The following STARD9 variants were observed in gnomAD, a reference collection of about 807,000 sequenced individuals.
The protein encoded by STARD9 is StAR related lipid transfer domain containing 9.
STARD9 carries 346 observed loss-of-function variants against 399.8 expected under a neutral mutation model. That is an observed-to-expected ratio of 0.87 (90% CI 0.79 to 0.95). STARD9 has a LOEUF of 0.95. Ranked by LOEUF, STARD9 falls within the 40% of genes least tolerant of loss-of-function variation. STARD9 has a pLI of 0.00. For missense variants in STARD9, 5,832 were observed against 5,667.5 expected, an observed-to-expected ratio of 1.03 and a Z score of -0.93; for synonymous variants, 2,203 against 2,143.5, an observed-to-expected ratio of 1.03 and a Z score of -0.77.
chr15:42,649,185 A>G (rs1037164392), intron 7 of STARD9, among the ~76,000 whole-genome samples: 8 of 151,974 alleles, frequency 5.3e-5, no homozygotes, highest in African/African-American at 1.9e-4. Flanking sequence ...GCGCACCACC[A>G]CAGCCGGCTG....
At chr15:42,703,003 C>T (rs945305990) in intron 26 of STARD9, among the ~76,000 whole-genome samples, 1 of 151,958 alleles carries the variant, frequency 6.6e-6, no homozygotes, top group Middle Eastern at 3.2e-3. Flanking sequence ...CTATGTTGCC[C>T]AGGCTGGTCT....
intron 32 of STARD9, 47 bp from the exon 33 acceptor site, chr15:42,719,426 T>G (rs772720941): frequency 1.4e-4 from 180 of 1,264,860 alleles, no homozygotes; most frequent in Non-Finnish European, 1.8e-4. Flanking sequence ...CGCCTGGCAT[T>G]CTCTCAAATC....
Position 42,692,614 on chromosome 15 carries a change from A to G in STARD9, c.11036A>G (p.Asn3679Ser), listed in dbSNP as rs958995005. 3.3e-6 allele frequency: 5 copies of G among 1,537,080 alleles called. No individual in the cohort carries two copies. The highest frequency in any genetic ancestry group is 1.7e-4 in the Middle Eastern group (1 of 6,012). The change falls in exon 23 of 33, where the codon AAT (asparagine) becomes AGT (serine). Residue 3679 changes from asparagine (N) to serine (S), a missense_variant. Physicochemically the swap from Asn to Ser is conservative, Grantham distance 46. Around this residue, in one of 2 missense-constraint regions of STARD9, gnomAD observed 5,828 missense variants for 5,651.1 expected, o/e 1.03. Coordinates refer to ENST00000290607, the MANE Select transcript of STARD9 (RefSeq NM_020759.3). Reference sequence around the variant, plus strand: ...CTGGCCTCATGGACCAGCATGCACAATCTGTCTCTCCACCTCTCACAGCTC... The same window carrying G: ...CTGGCCTCATGGACCAGCATGCACAGTCTGTCTCTCCACCTCTCACAGCTC... ...FDLASWTSMH[N>S]LSLHLSQLLH...
At chr15:42,676,098 T>A in intron 20 of STARD9, 123 bp downstream of exon 20, 1 of 763,694 alleles carries the variant, frequency 1.3e-6, no homozygotes, top group Non-Finnish European at 2.2e-6. Flanking sequence ...AATGAGCCCT[T>A]GTCTGAATCA....
Position 42,687,139 on chromosome 15 carries a change from A to G in STARD9, c.5561A>G (p.Asn1854Ser), listed in dbSNP as rs746744391. The G allele has an allele frequency of 5.3e-5, 82 of 1,537,166 alleles. 1 individual carries two copies. In the South Asian group the frequency reaches 8.3e-4, roughly 16 times the overall value. ...TCAGTTTATTCTTCTGTTACTCAGA[A>G]CAGACATTTTCTCCCCTCTACCAGC... ...HDSVYSSVTQ[N>S]RHFLPSTSTK... The change falls in exon 23 of 33, where the codon AAC becomes AGC. Residue 1854 changes from asparagine (N) to serine (S), a missense_variant. Around this residue, in one of 2 missense-constraint regions of STARD9, gnomAD observed 5,828 missense variants for 5,651.1 expected, o/e 1.03. Coordinates refer to ENST00000290607, the MANE Select transcript of STARD9 (RefSeq NM_020759.3).
At position 42,669,077 on chromosome 15, in the gene STARD9, T is replaced by C; in HGVS notation, c.1318-81T>C. 5.7e-6 allele frequency: 7 copies of C among 1,220,024 alleles called. No homozygotes were observed. In the South Asian group the frequency reaches 8.3e-5, roughly 14 times the overall value. The allele number at this position is 1,220,024 out of a possible 1,614,324, so 75.6% of individuals were successfully genotyped here. ...ATAAGAAAGCAGTACCCTGGGGAAA[T>C]AGGAATAGATTGTAATGACTTCTGA... On this transcript the variant is annotated intron_variant, in intron 15 of 32. Coordinates refer to ENST00000290607, the MANE Select transcript of STARD9 (RefSeq NM_020759.3).
At chr15:42,681,136 A>G (rs765556173) in intron 20 of STARD9, among the ~76,000 whole-genome samples, 1 of 152,248 alleles carries the variant, frequency 6.6e-6, no homozygotes, top group Non-Finnish European at 1.5e-5. Context: ...TCTTTTTAAA[A>G]AGAACAACTT....
chr15:42,709,134 G>A (rs75988797), intron 26 of STARD9, among the ~76,000 whole-genome samples: 9,219 of 152,138 alleles, frequency 0.061, 614 homozygotes, highest in African/African-American at 0.18. Context: ...GGTGGCTGAC[G>A]CCTGTAATCC....
chr15:42,719,367 G>A, intron 32 of STARD9, 106 bp from the exon 33 acceptor site: 1 of 705,402 alleles, frequency 1.4e-6, no homozygotes, highest in Non-Finnish European at 2.4e-6. Context: ...ACAATCTGAG[G>A]TGCTTCTCCC....
intron 10 of STARD9, among the ~76,000 whole-genome samples, chr15:42,661,699 C>T (rs1221932337): frequency 6.6e-6 from 1 of 151,946 alleles, no homozygotes; most frequent in Non-Finnish European, 1.5e-5. Flanking sequence ...TTGGGCGATT[C>T]ATCTGCCTCA....
At chr15:42,655,604 TTACATA>T in intron 9 of STARD9, among the ~76,000 whole-genome samples, 1 of 152,182 alleles carries the variant, frequency 6.6e-6, no homozygotes, top group Non-Finnish European at 1.5e-5. Context: ...GATGAAAGAC[TTACATA>T]TAAGACCTGA....
chr15:42,701,191 G>A (rs934846802), intron 26 of STARD9, among the ~76,000 whole-genome samples: 2 of 152,130 alleles, frequency 1.3e-5, no homozygotes, highest in Admixed American at 6.5e-5. Flanking sequence ...GTACTGTGAT[G>A]CCTCCAGCTT....
intron 7 of STARD9, among the ~76,000 whole-genome samples, chr15:42,648,752 C>T (rs948079739): frequency 5.9e-5 from 9 of 151,948 alleles, no homozygotes; most frequent in South Asian, 2.1e-4. Context: ...TTACCTTTCC[C>T]TTTTTTCCCC....
intron 3 of STARD9, among the ~76,000 whole-genome samples, chr15:42,588,922 C>G (rs1349854142): frequency 6.6e-6 from 1 of 150,808 alleles, no homozygotes. Flanking sequence ...TCCAGCGATT[C>G]TTGTGCCTCA....
At chr15:42,597,559 T>TA (rs901268030) in intron 3 of STARD9, among the ~76,000 whole-genome samples, 2 of 151,702 alleles carry the variant, frequency 1.3e-5, no homozygotes, top group African/African-American at 4.8e-5. Flanking sequence ...TTTTTTTAAA[T>TA]AGAGTCTCGC....
At position 42,691,650 on chromosome 15, in the gene STARD9, T is replaced by C. The variant is rs369454740; in HGVS notation, c.10072T>C (p.Leu3358=). The part of the protein sequence containing the change: ...TDEDTQGPNR[L]WNPHLRGYSS... ...CGAAGATACACAGGGGCCTAACAGA[T>C]TGTGGAACCCACATCTCAGGGGCTA... The change falls in exon 23 of 33, where the codon TTG becomes CTG. Residue 3358 remains leucine, a synonymous_variant. Coordinates refer to ENST00000290607, the MANE Select transcript of STARD9 (RefSeq NM_020759.3). The C allele has an allele frequency of 1.3e-4, 204 of 1,537,236 alleles. No homozygotes were observed. The highest frequency in any genetic ancestry group is 3.9e-4 in the Admixed American group (20 of 50,994).
chr15:42,581,406 G>C (rs1218765666), intron 1 of STARD9: 20 of 1,515,470 alleles, frequency 1.3e-5, no homozygotes, highest in Non-Finnish European at 1.7e-5. Context: ...AGGTAGCTGC[G>C]CGGCGTCGCT....
At chr15:42,677,266 A>G (rs2060330396) in intron 20 of STARD9, among the ~76,000 whole-genome samples, 1 of 152,218 alleles carries the variant, frequency 6.6e-6, no homozygotes, top group South Asian at 2.1e-4. Context: ...TCCGTCTCAA[A>G]AAAAGAAAAA....
intron 3 of STARD9, among the ~76,000 whole-genome samples, chr15:42,586,506 TTAA>T (rs2058280586): frequency 6.6e-6 from 1 of 152,170 alleles, no homozygotes; most frequent in Non-Finnish European, 1.5e-5. Flanking sequence ...TTGAGCACTG[TTAA>T]AGGCCATGTA....
Sources: gnomAD v4.1 joint callset for allele counts (sites outside exome capture counted in the v4.1 genomes callset) on GRCh38, gnomAD v4.1.1 for gene constraint, gnomAD v4.1.1 regional missense constraint, MANE v1.5 for transcripts, NCBI Gene and HGNC (gene_info 2026-07-23, HGNC 2026-07-21) for gene names.